Variants in RANBP2 observed in about 807,000 individuals in gnomAD.
RANBP2 encodes RAN binding protein 2, also known as E3 SUMO-protein ligase RanBP2.
A neutral mutation model predicts 303.6 loss-of-function variants in RANBP2; 57 were observed. The ratio of observed to expected loss-of-function variants is 0.19; its 90% CI spans 0.15 to 0.23. The LOEUF (loss-of-function observed/expected upper bound fraction) is 0.23, where lower values mean the gene tolerates loss of function less well. Ranked by LOEUF, RANBP2 falls within the 10% of genes least tolerant of loss-of-function variation. The pLI, the probability that RANBP2 is intolerant of heterozygous loss-of-function variation, is 1.00. For synonymous variants in RANBP2, 1,167 were observed against 1,301.5 expected (o/e 0.90, Z 2.23); for missense variants, 3,138 against 3,780.8 (o/e 0.83, Z 4.46).
the RANBP2 span, among the ~76,000 whole-genome samples, chr2:109,720,157 G>C: frequency 3.3e-5 from 5 of 151,938 alleles, no homozygotes; most frequent in Non-Finnish European, 7.4e-5. Context: ...ACATGTGATG[G>C]GGAGACCAGT....
the RANBP2 span, among the ~76,000 whole-genome samples, chr2:109,635,740 T>C: frequency 3.9e-5 from 6 of 152,336 alleles, no homozygotes; most frequent in African/African-American, 9.6e-5. Context: ...TCAAAAAGAA[T>C]TCACTTGAAA....
At chr2:109,075,403 T>C in the RANBP2 span, among the ~76,000 whole-genome samples, 1 of 150,282 alleles carries the variant, frequency 6.7e-6, no homozygotes, top group South Asian at 2.1e-4. Context: ...TTTTGTATTT[T>C]TAAGTAGAGA....
At chr2:108,721,638 G>T (rs1436964101) in intron 1 of RANBP2, among the ~76,000 whole-genome samples, 3 of 152,098 alleles carry the variant, frequency 2.0e-5, no homozygotes, top group Admixed American at 2.0e-4. Flanking sequence ...GTAGAGACTG[G>T]GTTTCACCAT....
the RANBP2 span, chr2:108,907,877 T>C: frequency 1.2e-6 from 2 of 1,613,608 alleles, no homozygotes; most frequent in African/African-American, 2.7e-5. Context: ...GACTTGTTGC[T>C]GGTGGCAGAC....
the RANBP2 span, among the ~76,000 whole-genome samples, chr2:109,297,584 A>G: frequency 8.5e-6 from 1 of 117,274 alleles, no homozygotes; most frequent in Non-Finnish European, 1.7e-5. Context: ...CAGTGTCCCC[A>G]ACCCAGTCAG....
chr2:108,723,571 G>T (rs532512154), intron 1 of RANBP2, among the ~76,000 whole-genome samples: 50 of 152,190 alleles, frequency 3.3e-4, no homozygotes, highest in African/African-American at 1.2e-3. Flanking sequence ...CACCGCGCCG[G>T]GCCCCATTTT....
the RANBP2 span, among the ~76,000 whole-genome samples, chr2:109,312,004 T>A: frequency 0.31 from 47,433 of 152,038 alleles, 9,175 homozygotes; most frequent in African/African-American, 0.55. Flanking sequence ...CTGCTGGTGC[T>A]GTCCAGTTTT....
At chr2:108,759,092 A>T (rs921516777) in intron 18 of RANBP2, among the ~76,000 whole-genome samples, 25 of 151,370 alleles carry the variant, frequency 1.7e-4, no homozygotes, top group African/African-American at 6.1e-4. Context: ...TTACATAATT[A>T]CTATGAGCAT....
At chr2:109,359,267 T>C in the RANBP2 span, among the ~76,000 whole-genome samples, 4,500 of 152,332 alleles carry the variant, frequency 0.03, 95 homozygotes, top group Non-Finnish European at 0.045. Context: ...CTCTTGCCTC[T>C]CCATATAAAC....
At position 108,772,952 on chromosome 2, in the gene RANBP2, C is replaced by G; in HGVS notation, c.8198C>G (p.Pro2733Arg). Residue 2733 changes from proline to arginine, a missense_variant, in exon 23 of 29, where the codon CCT (proline) becomes CGT (arginine). Transcript: ENST00000283195. ...KAKADTLKLPPTFFCGVCSDT... is the reference protein window; with the variant it reads ...KAKADTLKLPRTFFCGVCSDT... ...AAAGCAGATACGTTAAAACTTCCAC[C>G]TACATTTTTTTGTGGAGTCTGTAGT... is the stretch of plus-strand genomic sequence containing the variant. 1 of 1,613,870 alleles carries G rather than the reference C, an allele frequency of 6.2e-7. No individual in the cohort carries two copies. Among genetic ancestry groups the G allele is most frequent in the Non-Finnish European group, 8.5e-7 (1 of 1,179,922 alleles).
chr2:109,478,198 A>G, the RANBP2 span, among the ~76,000 whole-genome samples: 1 of 152,162 alleles, frequency 6.6e-6, no homozygotes, highest in African/African-American at 2.4e-5. Flanking sequence ...CGGCCTTGTT[A>G]AGTTTCACAC....
the RANBP2 span, chr2:108,896,727 T>G: frequency 1.1e-5 from 7 of 634,582 alleles, no homozygotes; most frequent in Admixed American, 5.8e-5. Context: ...CTCTAGTCCT[T>G]TATCTTTGGT....
chr2:109,074,661 C>T, the RANBP2 span, among the ~76,000 whole-genome samples: 2 of 150,068 alleles, frequency 1.3e-5, no homozygotes, highest in African/African-American at 4.8e-5. Flanking sequence ...GATCACACCG[C>T]TAGACTCCAG....
rs77443930 is a variant in RANBP2 at position 108,764,000 on chromosome 2, A to G, written c.3461A>G (p.His1154Arg). 5 of 1,613,828 alleles carry G rather than the reference A, an allele frequency of 3.1e-6. No homozygotes were observed. Among genetic ancestry groups the G allele is most frequent in the Non-Finnish European group, 4.2e-6 (5 of 1,179,846 alleles). Residue 1154 changes from histidine (H) to arginine (R), a missense_variant, in exon 20 of 29, where the codon CAT (histidine) becomes CGT (arginine). His to Arg is a conservative substitution (Grantham distance 29). Transcript: ENST00000283195. ...TPTLETANKN[H>R]ETDGGSAHGD... ...ACTTTAGAGACAGCAAACAAGAATC[A>G]TGAGACAGATGGAGGAAGTGCCCAT... is the stretch of plus-strand genomic sequence containing the variant.
chr2:109,391,296 G>C, the RANBP2 span, among the ~76,000 whole-genome samples: 1 of 152,218 alleles, frequency 6.6e-6, no homozygotes, highest in African/African-American at 2.4e-5. Context: ...AGCCTGACCT[G>C]TATGCTTCAG....
At chr2:108,742,645 T>A (rs1437344288) in intron 7 of RANBP2, among the ~76,000 whole-genome samples, 1 of 152,090 alleles carries the variant, frequency 6.6e-6, no homozygotes, top group Non-Finnish European at 1.5e-5. Flanking sequence ...AGTTCACATG[T>A]TAAGTGCTAA....
At chr2:108,920,213 A>C in the RANBP2 span, among the ~76,000 whole-genome samples, 3 of 152,208 alleles carry the variant, frequency 2.0e-5, no homozygotes, top group African/African-American at 7.2e-5. Context: ...GGCGCCTGGC[A>C]CTGGAGTAAG....
the RANBP2 span, among the ~76,000 whole-genome samples, chr2:109,173,142 T>C: frequency 6.6e-6 from 1 of 152,244 alleles, no homozygotes; most frequent in African/African-American, 2.4e-5. Flanking sequence ...TTTAAAAATT[T>C]GTAACTTCTA....
the RANBP2 span, among the ~76,000 whole-genome samples, chr2:109,681,967 T>C: frequency 9.2e-5 from 14 of 152,368 alleles, no homozygotes; most frequent in East Asian, 9.6e-4. Flanking sequence ...AGGCACTTGC[T>C]GTAAACACGG....
Sources: gnomAD v4.1 joint callset for allele counts (sites outside exome capture counted in the v4.1 genomes callset) on GRCh38, gnomAD v4.1.1 for gene constraint, MANE v1.5 for transcripts, NCBI Gene and HGNC (gene_info 2026-07-23, HGNC 2026-07-21) for gene names.